The following SLC26A2 variants were observed in gnomAD, a reference collection of about 807,000 sequenced individuals.
The protein encoded by SLC26A2 is sulfate transporter.
SLC26A2 carries 36 observed loss-of-function variants against 41.1 expected under a neutral mutation model. The ratio of observed to expected loss-of-function variants is 0.88; its 90% confidence interval spans 0.67 to 1.16. The LOEUF is 1.16. Among genes scored for constraint, SLC26A2 ranks in the 50% most tolerant of loss-of-function variants. The pLI, the probability that SLC26A2 is intolerant of heterozygous loss-of-function variation, is 0.00. For synonymous variants in SLC26A2, 291 were observed against 311.6 expected, an observed-to-expected ratio of 0.93 and a Z score of 0.70; for missense variants, 796 against 869.6, an observed-to-expected ratio of 0.92 and a Z score of 1.07.
intron 1 of SLC26A2, among the ~76,000 whole-genome samples, chr5:149,976,257 C>T (rs551923236): frequency 3.8e-4 from 58 of 152,270 alleles, no homozygotes; most frequent in African/African-American, 1.2e-3. Flanking sequence ...GCTATCTCAG[C>T]GTTACTACAT....
intron 1 of SLC26A2, among the ~76,000 whole-genome samples, chr5:149,968,486 C>T (rs1294758345): frequency 6.6e-6 from 1 of 152,062 alleles, no homozygotes; most frequent in East Asian, 1.9e-4. Flanking sequence ...TCTTGGCTCA[C>T]TGCAAGCTCC....
chr5:149,970,121 A>C (rs1754876430), intron 1 of SLC26A2, among the ~76,000 whole-genome samples: 1 of 152,256 alleles, frequency 6.6e-6, no homozygotes, highest in Non-Finnish European at 1.5e-5. Context: ...GCTATGAAGA[A>C]AATAAAGCCA....
chr5:149,972,668 A>G (rs1754923954), intron 1 of SLC26A2, among the ~76,000 whole-genome samples: 2 of 152,196 alleles, frequency 1.3e-5, no homozygotes, highest in African/African-American at 4.8e-5. Flanking sequence ...TAACCTATGT[A>G]TGTCTTTATA....
chr5:149,975,968 A>C (rs1190945811), intron 1 of SLC26A2, among the ~76,000 whole-genome samples: 2 of 151,984 alleles, frequency 1.3e-5, no homozygotes, highest in African/African-American at 4.8e-5. Context: ...GACCAGCCTG[A>C]CCAATATGGT....
intron 1 of SLC26A2, among the ~76,000 whole-genome samples, chr5:149,967,338 A>G (rs531947889): frequency 2.6e-5 from 4 of 152,332 alleles, no homozygotes; most frequent in African/African-American, 9.6e-5. Flanking sequence ...CACAATCAAG[A>G]TAGTGAACAT....
Position 149,980,785 on chromosome 5 carries a change from G to C in SLC26A2, c.1192G>C (p.Val398Leu). ...AISIIGFAIT[V>L]SLSEMFAKKH... ...TTCCATCATTGGTTTTGCTATCACTGTATCACTTTCTGAGATGTTTGCCAA... is the reference window on the plus strand; with the variant it reads ...TTCCATCATTGGTTTTGCTATCACTCTATCACTTTCTGAGATGTTTGCCAA... Residue 398 changes from valine to leucine, a missense_variant, in exon 3 of 3, where the codon GTA becomes CTA. Transcript: ENST00000286298. The C allele has an allele frequency of 6.2e-7, 1 of 1,614,016 alleles. No individual in the cohort carries two copies. The highest frequency in any genetic ancestry group is 2.2e-5 in the East Asian group (1 of 44,878).
At chr5:149,968,710 G>A (rs1034574881) in intron 1 of SLC26A2, among the ~76,000 whole-genome samples, 13 of 150,094 alleles carry the variant, frequency 8.7e-5, no homozygotes, top group African/African-American at 2.2e-4. Flanking sequence ...GTGAGCTACC[G>A]TGCCCGGCCT....
intron 1 of SLC26A2, among the ~76,000 whole-genome samples, chr5:149,967,346 C>T (rs1754823008): frequency 6.6e-6 from 1 of 152,296 alleles, no homozygotes; most frequent in Middle Eastern, 3.4e-3. Context: ...AGATAGTGAA[C>T]ATATCCATCA....
intron 1 of SLC26A2, among the ~76,000 whole-genome samples, chr5:149,963,678 G>C (rs1754753472): frequency 6.7e-6 from 1 of 150,324 alleles, no homozygotes; most frequent in Non-Finnish European, 1.5e-5. Flanking sequence ...GCCCCCCAAA[G>C]TGCTAGGATT....
intron 1 of SLC26A2, among the ~76,000 whole-genome samples, chr5:149,965,257 C>T (rs1754786361): frequency 6.6e-6 from 1 of 152,022 alleles, no homozygotes; most frequent in African/African-American, 2.4e-5. Context: ...CCGAGGCAGG[C>T]GGATCACAAG....
At position 149,986,980 on chromosome 5, in the gene SLC26A2, T is replaced by C. The variant is rs1561828780; in HGVS notation, c.*5167T>C. 2 of 152,226 alleles carry C rather than the reference T, an allele frequency of 1.3e-5. No individual in the cohort carries two copies. Among genetic ancestry groups the C allele is most frequent in the Non-Finnish European group, 2.9e-5 (2 of 68,024 alleles). 9.4% of individuals were successfully genotyped at this position (152,226 alleles called of 1,614,324 possible). ...TGTATGAACATACCAATCTATGTAA[T>C]AGGCTACCTTTTTTTGTCTTCTTTG... On this transcript the variant is annotated 3_prime_UTR_variant, in exon 3 of 3. Coordinates refer to ENST00000286298, the MANE Select transcript of SLC26A2 (RefSeq NM_000112.4).
intron 1 of SLC26A2, among the ~76,000 whole-genome samples, chr5:149,961,521 C>T (rs1754704737): frequency 6.6e-6 from 1 of 152,088 alleles, no homozygotes; most frequent in Non-Finnish European, 1.5e-5. Context: ...CAGAGAGGGC[C>T]CAGAGCCTTG....
chr5:149,980,192 A>T, intron 2 of SLC26A2, 101 bp from the exon 3 acceptor site: 1 of 886,650 alleles, frequency 1.1e-6, no homozygotes, highest in Non-Finnish European at 1.9e-6. Context: ...ACATTCTGTG[A>T]TGCTCTGATG....
chr5:149,980,948 A>C lies in SLC26A2; in HGVS notation c.1355A>C (p.His452Pro). 1 of 1,614,180 alleles carries C rather than the reference A, an allele frequency of 6.2e-7. No homozygotes were observed. Among genetic ancestry groups the C allele is most frequent in the Non-Finnish European group, 8.5e-7 (1 of 1,180,022 alleles). The change falls in exon 3 of 3, where the codon CAT becomes CCT. Residue 452 changes from histidine to proline, a missense_variant. Physicochemically the swap from His to Pro is moderately conservative, Grantham distance 77. Coordinates refer to ENST00000286298, the MANE Select transcript of SLC26A2 (RefSeq NM_000112.4). ...KTLVKESTGC[H>P]TQLSGVVTAL... ...TTGGTTAAAGAATCAACAGGCTGCCATACTCAGCTTTCTGGTGTGGTAACA... is the reference window on the plus strand; with the variant it reads ...TTGGTTAAAGAATCAACAGGCTGCCCTACTCAGCTTTCTGGTGTGGTAACA...
Position 149,980,416 on chromosome 5 carries a change from C to A in SLC26A2, c.823C>A (p.Leu275Ile). The change falls in exon 3 of 3, where the codon CTC becomes ATC. Residue 275 changes from leucine (L) to isoleucine (I), a missense_variant. Coordinates refer to ENST00000286298, the MANE Select transcript of SLC26A2 (RefSeq NM_000112.4). ...ATCTCAGGCCAAGTATCTTCTTGGG[C>A]TCAACCTTCCTCGGACTAATGGTGT... ...LTSQAKYLLGLNLPRTNGVGS... is the reference protein window; with the variant it reads ...LTSQAKYLLGINLPRTNGVGS... 1 of 1,614,084 alleles carries A rather than the reference C, an allele frequency of 6.2e-7. No homozygotes were observed. Among genetic ancestry groups the A allele is most frequent in the East Asian group, 2.2e-5 (1 of 44,880 alleles).
chr5:149,966,291 A>G (rs1754803989), intron 1 of SLC26A2, among the ~76,000 whole-genome samples: 1 of 152,230 alleles, frequency 6.6e-6, no homozygotes, highest in African/African-American at 2.4e-5. Context: ...CAGGAAAACT[A>G]CCACTTAATG....
At position 149,982,154 on chromosome 5, in the gene SLC26A2, G is replaced by A. The variant is rs1436986982; in HGVS notation, c.*341G>A. The A allele has an allele frequency of 9.6e-6, 2 of 207,556 alleles. No homozygotes were observed. Among genetic ancestry groups the A allele is most frequent in the East Asian group, 2.4e-4 (2 of 8,258 alleles). 12.9% of individuals were successfully genotyped at this position (207,556 alleles called of 1,614,324 possible). On this transcript the variant is annotated 3_prime_UTR_variant, in exon 3 of 3. Transcript: ENST00000286298. ...TACATTTGGACTGTGCATTCTCCAA[G>A]AGATGAAGCGGTGAAGTTGGGATTT...
rs1288625435 is a variant in SLC26A2, at chr5:149,982,032, T to C, written c.*219T>C. ...GAAGAAAATACGGTTTCAGGCTTTCTTGCAGATATGAAGTATTCTTGGAAT... is the reference window on the plus strand; with the variant it reads ...GAAGAAAATACGGTTTCAGGCTTTCCTGCAGATATGAAGTATTCTTGGAAT... On this transcript the variant is annotated 3_prime_UTR_variant, in exon 3 of 3. Coordinates refer to ENST00000286298, the MANE Select transcript of SLC26A2 (RefSeq NM_000112.4). 1 of 563,142 alleles carries C rather than the reference T, an allele frequency of 1.8e-6. No homozygotes were observed. 34.9% of individuals were successfully genotyped at this position (563,142 alleles called of 1,614,324 possible). A position where few individuals can be genotyped will look rare whatever the true frequency, so the allele number is the denominator to read the frequency against.
intron 1 of SLC26A2, among the ~76,000 whole-genome samples, chr5:149,972,895 A>G (rs916609896): frequency 2.6e-5 from 4 of 151,888 alleles, no homozygotes; most frequent in African/African-American, 9.7e-5. Context: ...GAGTTTTTTT[A>G]TGATTCTATT....
Sources: allele counts gnomAD v4.1 joint callset (sites outside exome capture counted in the v4.1 genomes callset), GRCh38; gene constraint gnomAD v4.1.1; transcripts MANE v1.5; gene names NCBI Gene and HGNC (gene_info 2026-07-23, HGNC 2026-07-21).